Variants in WWC2 observed in about 807,000 individuals in gnomAD.
WWC2 encodes protein WWC2.
WWC2 carries 101 observed loss-of-function variants against 138.5 expected under a neutral mutation model. That is an observed-to-expected ratio of 0.73 (90% confidence interval 0.62 to 0.86). The LOEUF (loss-of-function observed/expected upper bound fraction) is 0.86. Among genes scored for constraint, WWC2 ranks in the 40% least tolerant of loss-of-function variants. The pLI is 0.00. For missense variants in WWC2, 1,420 were observed against 1,419.4 expected (o/e 1.00, Z -0.01); for synonymous variants, 558 against 538.4 (o/e 1.04, Z -0.50).
chr4:183,159,972 TC>T (rs994257231), intron 1 of WWC2, among the ~76,000 whole-genome samples: 5 of 152,194 alleles, frequency 3.3e-5, no homozygotes, highest in Admixed American at 2.6e-4. Flanking sequence ...ATAAGGCATT[TC>T]TCACTTTGCC....
At chr4:183,268,851 G>A (rs1411270170) in intron 14 of WWC2, 120 bp from the exon 15 acceptor site, 2 of 1,108,932 alleles carry the variant, frequency 1.8e-6, no homozygotes, top group Non-Finnish European at 2.6e-6. Flanking sequence ...CAACACTTTA[G>A]ATTGATCTTG....
rs141580197 is a variant in WWC2 at position 183,264,537 on chromosome 4, G to A, written c.1910-441G>A. Among the ~76,000 whole-genome samples, 8 of 152,282 alleles carry A rather than the reference G, an allele frequency of 5.3e-5. No individual in the cohort carries two copies. In the East Asian group the frequency reaches 1.4e-3, roughly 26 times the overall value. On this transcript the variant is annotated intron_variant, in intron 11 of 22. Transcript: ENST00000403733. ...AGTAGCACAGGAGATGTAGGATATG[G>A]CATGTGGAGAGAAGGGGAGACCAAA... is the stretch of plus-strand genomic sequence containing the variant.
chr4:183,191,739 T>A (rs928153839), intron 1 of WWC2, among the ~76,000 whole-genome samples: 17 of 152,256 alleles, frequency 1.1e-4, no homozygotes, highest in African/African-American at 4.1e-4. Context: ...ATTTTAGTTT[T>A]TTTTTAGAGA....
intron 1 of WWC2, among the ~76,000 whole-genome samples, chr4:183,113,885 G>T (rs1732329106): frequency 6.6e-6 from 1 of 151,424 alleles, no homozygotes; most frequent in Non-Finnish European, 1.5e-5. Context: ...AAAAACCTAT[G>T]TTTTTTTGGT....
intron 21 of WWC2, among the ~76,000 whole-genome samples, chr4:183,302,102 T>C (rs1280997906): frequency 6.6e-6 from 1 of 152,258 alleles, no homozygotes; most frequent in East Asian, 1.9e-4. Context: ...TTTTCTATTA[T>C]AAACAATGTG....
intron 15 of WWC2, 50 bp downstream of exon 15, chr4:183,269,213 T>C: frequency 6.4e-7 from 1 of 1,553,642 alleles, no homozygotes. Context: ...GATTGGGTGG[T>C]CTGAGGATAT....
At chr4:183,168,066 C>T (rs989839529) in intron 1 of WWC2, among the ~76,000 whole-genome samples, 5 of 151,788 alleles carry the variant, frequency 3.3e-5, no homozygotes, top group Non-Finnish European at 5.9e-5. Flanking sequence ...CCATGTTGGC[C>T]AGGATGGTCT....
At chr4:183,142,233 T>G (rs1423225092) in intron 1 of WWC2, among the ~76,000 whole-genome samples, 1 of 152,202 alleles carries the variant, frequency 6.6e-6, no homozygotes, top group African/African-American at 2.4e-5. Context: ...TGGGGTTATA[T>G]TGCCTGGAAA....
At chr4:183,276,570 T>C (rs1367843062) in intron 16 of WWC2, among the ~76,000 whole-genome samples, 2 of 152,164 alleles carry the variant, frequency 1.3e-5, no homozygotes, top group Non-Finnish European at 2.9e-5. Flanking sequence ...TTTAACTCCA[T>C]TTTATTCCCT....
chr4:183,236,735 C>G (rs940974729), intron 4 of WWC2, among the ~76,000 whole-genome samples: 1 of 152,140 alleles, frequency 6.6e-6, no homozygotes, highest in South Asian at 2.1e-4. Context: ...TATTTTTGCT[C>G]AGGATATTCT....
At chr4:183,211,578 A>G (rs1460835421) in intron 4 of WWC2, among the ~76,000 whole-genome samples, 1 of 152,078 alleles carries the variant, frequency 6.6e-6, no homozygotes, top group Non-Finnish European at 1.5e-5. Flanking sequence ...TTTTAGGGCA[A>G]AGCTCTTCAA....
At chr4:183,307,301 A>G (rs1157141286) in intron 21 of WWC2, among the ~76,000 whole-genome samples, 1 of 152,244 alleles carries the variant, frequency 6.6e-6, no homozygotes, top group Admixed American at 6.5e-5. Flanking sequence ...AAACAACTTA[A>G]TCAAAATTTG....
At chr4:183,153,482 CCACTATAATT>C (rs942657952) in intron 1 of WWC2, among the ~76,000 whole-genome samples, 1 of 152,030 alleles carries the variant, frequency 6.6e-6, no homozygotes, top group Non-Finnish European at 1.5e-5. Flanking sequence ...GTTTGAAAAG[CCACTATAATT>C]CATACGTGTA....
At chr4:183,173,120 C>A (rs775189492) in intron 1 of WWC2, among the ~76,000 whole-genome samples, 1 of 152,158 alleles carries the variant, frequency 6.6e-6, no homozygotes, top group Non-Finnish European at 1.5e-5. Context: ...TCACAGCTCA[C>A]TGCAGCCTTG....
chr4:183,314,059 G>T (rs757836713), intron 22 of WWC2, among the ~76,000 whole-genome samples: 17 of 152,056 alleles, frequency 1.1e-4, no homozygotes, highest in Non-Finnish European at 2.4e-4. Flanking sequence ...GGACAGCTAT[G>T]GCAGGCTGAG....
chr4:183,198,836 A>G (rs1014687058), intron 2 of WWC2, among the ~76,000 whole-genome samples: 1 of 146,388 alleles, frequency 6.8e-6, no homozygotes, highest in African/African-American at 2.5e-5. Flanking sequence ...GTGCTCTTGC[A>G]TAAAACCCTT....
intron 1 of WWC2, among the ~76,000 whole-genome samples, chr4:183,183,116 T>G (rs1055020184): frequency 1.3e-5 from 2 of 152,218 alleles, no homozygotes; most frequent in Non-Finnish European, 2.9e-5. Flanking sequence ...GGGACAAGAT[T>G]CATGCAACAC....
intron 1 of WWC2, among the ~76,000 whole-genome samples, chr4:183,122,006 C>T (rs1019890026): frequency 2.0e-5 from 3 of 151,768 alleles, no homozygotes; most frequent in South Asian, 2.1e-4. Flanking sequence ...AGGATGGTCT[C>T]GATCTCCTGG....
chr4:183,277,402 C>G (rs1737897121), intron 16 of WWC2, among the ~76,000 whole-genome samples: 1 of 150,820 alleles, frequency 6.6e-6, no homozygotes, highest in African/African-American at 2.4e-5. Flanking sequence ...TGGGTTGGTT[C>G]CAAGTCTTTG....
Sources: gnomAD v4.1 joint callset for allele counts (sites outside exome capture counted in the v4.1 genomes callset) on GRCh38, gnomAD v4.1.1 for gene constraint, MANE v1.5 for transcripts, NCBI Gene and HGNC (gene_info 2026-07-23, HGNC 2026-07-21) for gene names.